Variants in CYB5R4 observed in about 807,000 individuals in gnomAD.
CYB5R4 encodes the protein N-terminal cytochrome b5 and cytochrome b5 oxidoreductase domain-containing protein.
CYB5R4 carries 55 observed loss-of-function variants against 70.2 expected under a neutral mutation model. The observed-to-expected ratio is 0.78, with a 90% CI of 0.63 to 0.98. The LOEUF is 0.98. CYB5R4 is among the 50% of genes least tolerant of loss of function. The pLI is 0.00. For synonymous variants in CYB5R4, 197 were observed against 199.5 expected (o/e 0.99, Z 0.11); for missense variants, 562 against 612.6 (o/e 0.92, Z 0.87).
At chr6:83,899,421 A>G (rs1360828076) in intron 3 of CYB5R4, among the ~76,000 whole-genome samples, 1 of 152,102 alleles carries the variant, frequency 6.6e-6, no homozygotes, top group Non-Finnish European at 1.5e-5. Flanking sequence ...TTGGTCTAAA[A>G]TTCTCTTTTT....
intron 2 of CYB5R4, among the ~76,000 whole-genome samples, chr6:83,880,740 A>G (rs1241229485): frequency 6.6e-6 from 1 of 152,154 alleles, no homozygotes; most frequent in African/African-American, 2.4e-5. Flanking sequence ...ACATAAGATG[A>G]TCTTTGATAA....
At chr6:83,944,615 G>T (rs1327308204) in intron 14 of CYB5R4, among the ~76,000 whole-genome samples, 1 of 152,112 alleles carries the variant, frequency 6.6e-6, no homozygotes, top group Non-Finnish European at 1.5e-5. Context: ...CGGGCTAAAT[G>T]CCCCAGTGAA....
intron 14 of CYB5R4, among the ~76,000 whole-genome samples, chr6:83,942,685 A>G (rs1014691973): frequency 1.3e-5 from 2 of 152,082 alleles, no homozygotes; most frequent in South Asian, 2.1e-4. Flanking sequence ...TCCCACCCCA[A>G]CGGAGCCCAG....
chr6:83,945,278 C>T (rs375239911), intron 14 of CYB5R4, among the ~76,000 whole-genome samples: 2 of 152,140 alleles, frequency 1.3e-5, no homozygotes, highest in African/African-American at 4.8e-5. Context: ...CACTCAAAAC[C>T]GCACAACTAC....
At chr6:83,896,942 G>A (rs534243934) in intron 3 of CYB5R4, among the ~76,000 whole-genome samples, 149 of 151,766 alleles carry the variant, frequency 9.8e-4, no homozygotes, top group African/African-American at 3.4e-3. Flanking sequence ...TAAGTTTTAG[G>A]GTACATGTGC....
chr6:83,860,459 A>G (rs1043692340), intron 1 of CYB5R4, among the ~76,000 whole-genome samples: 5 of 152,186 alleles, frequency 3.3e-5, no homozygotes, highest in African/African-American at 1.2e-4. Context: ...TTCGAAGCAA[A>G]TATAATAATA....
intron 4 of CYB5R4, chr6:83,910,146 ATTTCT>A (rs1460919722): frequency 6.3e-7 from 1 of 1,595,108 alleles, no homozygotes; most frequent in Non-Finnish European, 8.5e-7. Flanking sequence ...ACTTTCAAAG[ATTTCT>A]TTTACTGTCA....
Position 83,885,243 on chromosome 6 carries a change from A to G in CYB5R4, c.230-8279A>G, listed in dbSNP as rs147481463. Reference sequence around the variant, plus strand: ...ATTCTCATGGCATCTTCGATATTCTATCTTATTTGTCATGTAGTATCTTGA... The same window carrying G: ...ATTCTCATGGCATCTTCGATATTCTGTCTTATTTGTCATGTAGTATCTTGA... On this transcript the variant is annotated intron_variant, in intron 2 of 15. Coordinates refer to ENST00000369681, the MANE Select transcript of CYB5R4 (RefSeq NM_016230.4). 9.9e-3 allele frequency among the ~76,000 whole-genome samples: 1,515 copies of G among 152,300 alleles called. 29 individuals are homozygous for G. The highest frequency in any genetic ancestry group is 0.034 in the African/African-American group (1,421 of 41,566).
rs529204099 is a variant in CYB5R4, at chr6:83,883,209, A to G, written c.230-10313A>G. Among the ~76,000 whole-genome samples the G allele has an allele frequency of 8.5e-5, 13 of 152,310 alleles. No homozygotes were observed. The South Asian group carries it at 2.7e-3, about 32-fold the overall frequency. On this transcript the variant is annotated intron_variant, in intron 2 of 15. Transcript: ENST00000369681. ...AGAGAGGAAAATTATCAGAAATAAAATGAACAGGGACTCAGGGGCCTGTCA... is the reference window on the plus strand; with the variant it reads ...AGAGAGGAAAATTATCAGAAATAAAGTGAACAGGGACTCAGGGGCCTGTCA...
intron 10 of CYB5R4, among the ~76,000 whole-genome samples, chr6:83,926,853 A>G (rs2099467375): frequency 6.6e-6 from 1 of 152,196 alleles, no homozygotes; most frequent in Non-Finnish European, 1.5e-5. Flanking sequence ...TTGTATTGAG[A>G]AAGTAATTTT....
At chr6:83,913,538 G>A (rs1173346524) in intron 4 of CYB5R4, among the ~76,000 whole-genome samples, 1 of 152,164 alleles carries the variant, frequency 6.6e-6, no homozygotes, top group African/African-American at 2.4e-5. Flanking sequence ...AAAGGAAAAG[G>A]ATGGTCATTT....
chr6:83,888,744 A>G (rs1446782737), intron 2 of CYB5R4, among the ~76,000 whole-genome samples: 2 of 152,196 alleles, frequency 1.3e-5, no homozygotes, highest in Non-Finnish European at 2.9e-5. Context: ...TCTCACTTCA[A>G]ATAAAAAACT....
In CYB5R4 at chr6:83,965,718, G is replaced by T. The variant is rs1255251993; in HGVS notation, c.*5840G>T. On this transcript the variant is annotated 3_prime_UTR_variant, in exon 16 of 16. Coordinates refer to ENST00000369681, the MANE Select transcript of CYB5R4 (RefSeq NM_016230.4). ...AGCCAGGGGTGGGATGATATGGTTT[G>T]GCTCTGTGTCCCCACCCAAATTTCA... is the stretch of plus-strand genomic sequence containing the variant. The T allele has an allele frequency of 6.6e-6, 1 of 152,100 alleles. No homozygotes were observed. The highest frequency in any genetic ancestry group is 1.5e-5 in the Non-Finnish European group (1 of 68,008). The allele number at this position is 152,100 out of a possible 1,614,324, so 9.4% of individuals were successfully genotyped here. A position where few individuals can be genotyped will look rare whatever the true frequency, so the allele number is the denominator to read the frequency against.
At chr6:83,914,370 C>T in intron 4 of CYB5R4, 46 bp from the exon 5 acceptor site, 3 of 1,494,538 alleles carry the variant, frequency 2.0e-6, no homozygotes, top group Non-Finnish European at 2.7e-6. Context: ...TTCTCATTGA[C>T]ATTAAAGTAT....
chr6:83,921,468 C>T (rs1186003623), intron 8 of CYB5R4, among the ~76,000 whole-genome samples: 1 of 152,200 alleles, frequency 6.6e-6, no homozygotes, highest in Non-Finnish European at 1.5e-5. Context: ...TACAAGAAGT[C>T]TTCCAAGGCC....
At chr6:83,906,617 C>T (rs943144778) in intron 3 of CYB5R4, among the ~76,000 whole-genome samples, 3 of 152,166 alleles carry the variant, frequency 2.0e-5, no homozygotes, top group Non-Finnish European at 2.9e-5. Context: ...TGTAGGCTGC[C>T]TCACTTCCTT....
chr6:83,944,796 C>T (rs140123899), intron 14 of CYB5R4, among the ~76,000 whole-genome samples: 4,027 of 151,856 alleles, frequency 0.027, 192 homozygotes, highest in African/African-American at 0.092. Flanking sequence ...TCCTAGTTTC[C>T]GATAAAACAG....
Position 83,936,209 on chromosome 6 carries a change from GA to G in CYB5R4, c.956-14del, listed in dbSNP as rs761230209. The G allele has an allele frequency of 3.3e-6, 5 of 1,520,358 alleles. No homozygotes were observed. The highest frequency in any genetic ancestry group is 2.4e-5 in the Admixed American group (1 of 42,304). 94.2% of individuals were successfully genotyped at this position (1,520,358 alleles called of 1,614,324 possible). A position where few individuals can be genotyped will look rare whatever the true frequency, so the allele number is the denominator to read the frequency against. On this transcript the variant is annotated splice_polypyrimidine_tract_variant and intron_variant, in intron 11 of 15. Coordinates refer to ENST00000369681, the MANE Select transcript of CYB5R4 (RefSeq NM_016230.4). The stretch of plus-strand genomic sequence containing the variant: ...TTTTAGAATTTAATTATTTTGCTGT[GA>G]TTTTTTTTTCTAGGTACAGAAATAG...
intron 2 of CYB5R4, among the ~76,000 whole-genome samples, chr6:83,877,126 A>C (rs1159640184): frequency 6.6e-6 from 1 of 152,164 alleles, no homozygotes; most frequent in Non-Finnish European, 1.5e-5. Flanking sequence ...AACCGCACCC[A>C]GCCCTTTTAA....
Sources: allele counts gnomAD v4.1 joint callset (sites outside exome capture counted in the v4.1 genomes callset), GRCh38; gene constraint gnomAD v4.1.1; transcripts MANE v1.5; gene names NCBI Gene and HGNC (gene_info 2026-07-23, HGNC 2026-07-21).